Variants in JARID2 observed in about 807,000 individuals in gnomAD.
JARID2 encodes protein Jumonji.
Under a neutral mutation model 125.6 loss-of-function variants are expected in JARID2, and 21 were observed. That is an observed-to-expected ratio of 0.17 (90% CI 0.12 to 0.24). JARID2 has a LOEUF of 0.24. JARID2 is among the 10% of genes least tolerant of loss of function. The pLI, the probability that JARID2 is intolerant of heterozygous loss-of-function variation, is 1.00. For missense variants in JARID2, 1,303 were observed against 1,639.6 expected, an observed-to-expected ratio of 0.79 and a Z score of 3.55; for synonymous variants, 736 against 661.6, an observed-to-expected ratio of 1.11 and a Z score of -1.73.
At chr6:15,413,276 G>C (rs925837213) in intron 3 of JARID2, among the ~76,000 whole-genome samples, 5 of 152,126 alleles carry the variant, frequency 3.3e-5, no homozygotes, top group African/African-American at 1.2e-4. Flanking sequence ...GCCTCCCAAA[G>C]TGTTGGGATT....
intron 2 of JARID2, among the ~76,000 whole-genome samples, chr6:15,404,409 CATTT>C (rs989603446): frequency 2.0e-5 from 3 of 151,910 alleles, no homozygotes; most frequent in Non-Finnish European, 4.4e-5. Context: ...GTGAACATAA[CATTT>C]ATTTTTCACT....
chr6:15,263,591 A>ATTTT (rs763727930), intron 1 of JARID2, among the ~76,000 whole-genome samples: 2 of 131,634 alleles, frequency 1.5e-5, no homozygotes, highest in Admixed American at 7.8e-5. Context: ...GAGTCAGACA[A>ATTTT]TTTTTTTTTT....
At chr6:15,283,262 G>A (rs1447944420) in intron 1 of JARID2, among the ~76,000 whole-genome samples, 3 of 150,362 alleles carry the variant, frequency 2.0e-5, no homozygotes, top group Admixed American at 1.3e-4. Context: ...ACAGGTGTGA[G>A]CCACTGCGCC....
intron 16 of JARID2, among the ~76,000 whole-genome samples, chr6:15,515,524 T>C (rs1193866612): frequency 3.9e-5 from 6 of 152,148 alleles, no homozygotes; most frequent in African/African-American, 1.4e-4. Flanking sequence ...CCGGGCATGG[T>C]AGGCCAATCC....
chr6:15,476,056 T>C (rs1769327987), intron 5 of JARID2, among the ~76,000 whole-genome samples: 1 of 152,224 alleles, frequency 6.6e-6, no homozygotes, highest in Admixed American at 6.5e-5. Context: ...CTATTTTGTA[T>C]GCTCGAGCTG....
intron 1 of JARID2, among the ~76,000 whole-genome samples, chr6:15,344,094 G>C (rs1012976119): frequency 1.4e-5 from 2 of 143,490 alleles, no homozygotes; most frequent in Admixed American, 7.2e-5. Flanking sequence ...TTACTTGGGA[G>C]TATGTAGTGA....
At chr6:15,480,257 C>A (rs1322458587) in intron 5 of JARID2, among the ~76,000 whole-genome samples, 1 of 152,016 alleles carries the variant, frequency 6.6e-6, no homozygotes, top group Non-Finnish European at 1.5e-5. Flanking sequence ...TCTTCTTTTC[C>A]TTTGTTGCCT....
At chr6:15,493,273 C>CT (rs977794606) in intron 6 of JARID2, among the ~76,000 whole-genome samples, 6 of 152,144 alleles carry the variant, frequency 3.9e-5, no homozygotes, top group African/African-American at 1.4e-4. Context: ...CACTGATTCC[C>CT]TTTCTTGATC....
At chr6:15,271,419 C>G (rs56290610) in intron 1 of JARID2, among the ~76,000 whole-genome samples, 2 of 152,132 alleles carry the variant, frequency 1.3e-5, no homozygotes, top group African/African-American at 4.8e-5. Flanking sequence ...CTTCTTTTTT[C>G]TTTTTTAAAT....
chr6:15,303,591 C>T (rs1449493854), intron 1 of JARID2, among the ~76,000 whole-genome samples: 1 of 152,214 alleles, frequency 6.6e-6, no homozygotes, highest in African/African-American at 2.4e-5. Flanking sequence ...TGCTTCTCAC[C>T]TCTTTGCCCA....
rs529028242 is a variant in JARID2, at chr6:15,344,165, C to T, written c.46-29952C>T. On this transcript the variant is annotated intron_variant, in intron 1 of 17. Coordinates refer to ENST00000341776, the MANE Select transcript of JARID2 (RefSeq NM_004973.4). Reference sequence around the variant, plus strand: ...CAAGGGTGGCTGTGAAACTTACTTTCGTGGTAGTGGTGGACCCTTGAAGCG... The same window carrying T: ...CAAGGGTGGCTGTGAAACTTACTTTTGTGGTAGTGGTGGACCCTTGAAGCG... Among the ~76,000 whole-genome samples the T allele has an allele frequency of 3.7e-5, 4 of 106,802 alleles. No homozygotes were observed. In the East Asian group the frequency reaches 9.2e-4, roughly 25 times the overall value. The allele number at this position is 106,802 out of a possible 152,430, so 70.1% of individuals were successfully genotyped here. A position where few individuals can be genotyped will look rare whatever the true frequency, so the allele number is the denominator to read the frequency against.
intron 3 of JARID2, among the ~76,000 whole-genome samples, chr6:15,418,464 C>T (rs540927094): frequency 5.3e-5 from 8 of 152,282 alleles, no homozygotes; most frequent in East Asian, 1.9e-4. Flanking sequence ...TCGCCCGCCT[C>T]GTCCTCCCAG....
intron 3 of JARID2, among the ~76,000 whole-genome samples, chr6:15,446,849 C>T (rs1246900706): frequency 6.6e-6 from 1 of 152,198 alleles, no homozygotes; most frequent in Non-Finnish European, 1.5e-5. Context: ...TAACCTGCCA[C>T]GTGGAGGTGG....
intron 1 of JARID2, among the ~76,000 whole-genome samples, chr6:15,338,110 G>C (rs567407571): frequency 6.6e-6 from 1 of 152,176 alleles, no homozygotes; most frequent in African/African-American, 2.4e-5. Context: ...CTATTCTCCA[G>C]GTTTTCTTTG....
intron 8 of JARID2, among the ~76,000 whole-genome samples, chr6:15,503,736 G>T (rs1219002540): frequency 6.6e-6 from 1 of 152,200 alleles, no homozygotes; most frequent in African/African-American, 2.4e-5. Flanking sequence ...AATGTGCCCG[G>T]TCAAGTAAGA....
intron 2 of JARID2, among the ~76,000 whole-genome samples, chr6:15,380,110 A>G (rs1052432602): frequency 1.3e-5 from 2 of 150,602 alleles, no homozygotes; most frequent in African/African-American, 4.9e-5. Context: ...ATCTCTGCCC[A>G]CTGCAACCTC....
chr6:15,256,323 CCTT>C (rs1006988255), intron 1 of JARID2, among the ~76,000 whole-genome samples: 3 of 152,296 alleles, frequency 2.0e-5, no homozygotes, highest in Non-Finnish European at 4.4e-5. Flanking sequence ...GATGTAATCA[CCTT>C]CTACCTCTGT....
chr6:15,440,875 A>G (rs1287986454), intron 3 of JARID2, among the ~76,000 whole-genome samples: 1 of 152,196 alleles, frequency 6.6e-6, no homozygotes, highest in Non-Finnish European at 1.5e-5. Flanking sequence ...ATTTTTAACA[A>G]ATGTTGTCAG....
At chr6:15,441,168 C>T (rs1767430649) in intron 3 of JARID2, among the ~76,000 whole-genome samples, 1 of 152,088 alleles carries the variant, frequency 6.6e-6, no homozygotes, top group Non-Finnish European at 1.5e-5. Context: ...TGTGTTTTAT[C>T]TCTAGCCATG....
Sources: allele counts gnomAD v4.1 joint callset (sites outside exome capture counted in the v4.1 genomes callset), GRCh38; gene constraint gnomAD v4.1.1; transcripts MANE v1.5; gene names NCBI Gene and HGNC (gene_info 2026-07-23, HGNC 2026-07-21).